The following HIPK2 variants were observed in gnomAD, a reference collection of about 807,000 sequenced individuals.
HIPK2 encodes the protein homeodomain-interacting protein kinase 2.
Under a neutral mutation model 113.7 loss-of-function variants are expected in HIPK2, and 27 were observed. That is an observed-to-expected ratio of 0.24 (90% CI 0.17 to 0.33). The LOEUF is 0.33. Among genes scored for constraint, HIPK2 ranks in the 10% least tolerant of loss-of-function variants. HIPK2 has a pLI of 1.00. For missense variants in HIPK2, 1,257 were observed against 1,588.0 expected, an observed-to-expected ratio of 0.79 and a Z score of 3.54; for synonymous variants, 631 against 642.2, an observed-to-expected ratio of 0.98 and a Z score of 0.26.
chr7:139,692,014 G>A (rs969030188), intron 2 of HIPK2, among the ~76,000 whole-genome samples: 3 of 152,002 alleles, frequency 2.0e-5, no homozygotes, highest in Admixed American at 1.3e-4. Context: ...TGATTTCTAC[G>A]CATTCATATA....
At chr7:139,736,456 C>A (rs946520409) in intron 1 of HIPK2, among the ~76,000 whole-genome samples, 3 of 152,188 alleles carry the variant, frequency 2.0e-5, no homozygotes, top group Non-Finnish European at 4.4e-5. Flanking sequence ...TCAGGGTGGC[C>A]AAGGTGCTTC....
At position 139,570,638 on chromosome 7, in the gene HIPK2, T is replaced by TAA. The variant is rs1380399848; in HGVS notation, c.*2287_*2288dup. ...CCAGAGTTATTTCACAGCTAAGAGC[T>TAA]AAGTAACGACTTCGTTACTGAGTTA... On this transcript the variant is annotated 3_prime_UTR_variant, in exon 15 of 15. Coordinates refer to ENST00000406875, the MANE Select transcript of HIPK2 (RefSeq NM_022740.5). The TAA allele has an allele frequency of 1.3e-5, 2 of 152,302 alleles. No individual in the cohort carries two copies. The highest frequency in any genetic ancestry group is 4.8e-5 in the African/African-American group (2 of 41,448). 9.4% of individuals were successfully genotyped at this position (152,302 alleles called of 1,614,324 possible). A position where few individuals can be genotyped will look rare whatever the true frequency, so the allele number is the denominator to read the frequency against.
chr7:139,734,465 C>T (rs1267263275), intron 1 of HIPK2, among the ~76,000 whole-genome samples: 1 of 152,170 alleles, frequency 6.6e-6, no homozygotes, highest in Non-Finnish European at 1.5e-5. Context: ...GGCCTAAGTG[C>T]CCCCATGGGA....
At chr7:139,658,497 G>GT (rs1190986040) in intron 2 of HIPK2, among the ~76,000 whole-genome samples, 7 of 152,234 alleles carry the variant, frequency 4.6e-5, no homozygotes, top group African/African-American at 1.7e-4. Flanking sequence ...TTCAGGGAAA[G>GT]TGACTTCATG....
At chr7:139,681,329 G>T (rs1024702064) in intron 2 of HIPK2, among the ~76,000 whole-genome samples, 12 of 152,146 alleles carry the variant, frequency 7.9e-5, no homozygotes, top group African/African-American at 2.7e-4. Flanking sequence ...AGGTGGGTGG[G>T]AGAGGAGGGA....
At chr7:139,707,438 C>T (rs936662295) in intron 2 of HIPK2, among the ~76,000 whole-genome samples, 6 of 152,256 alleles carry the variant, frequency 3.9e-5, no homozygotes, top group African/African-American at 1.4e-4. Flanking sequence ...TGCTGCGACG[C>T]AGCGACCTGC....
At chr7:139,583,628 G>GCC in intron 13 of HIPK2, 189 bp downstream of exon 13, 2 of 748,930 alleles carry the variant, frequency 2.7e-6, no homozygotes, top group Non-Finnish European at 4.3e-6. Context: ...GGAAAACGCT[G>GCC]CTTATACAAT....
intron 2 of HIPK2, among the ~76,000 whole-genome samples, chr7:139,639,558 T>C (rs915546896): frequency 6.6e-6 from 1 of 152,044 alleles, no homozygotes; most frequent in Non-Finnish European, 1.5e-5. Context: ...AGTGTGTACA[T>C]AGTACACAAA....
In HIPK2 at chr7:139,571,949, T is replaced by G. The variant is rs898657739; in HGVS notation, c.*978A>C. ...GGTTACATGCCTATGTTATATCGCT[T>G]TTTTTTGTGCAATTACATTGAGGAA... On this transcript the variant is annotated 3_prime_UTR_variant, in exon 15 of 15. Coordinates refer to ENST00000406875, the MANE Select transcript of HIPK2 (RefSeq NM_022740.5). 1 of 152,232 alleles carries G rather than the reference T, an allele frequency of 6.6e-6. No individual in the cohort carries two copies. Among genetic ancestry groups the G allele is most frequent in the African/African-American group, 2.4e-5 (1 of 41,442 alleles). 9.4% of individuals were successfully genotyped at this position (152,232 alleles called of 1,614,324 possible).
Position 139,572,764 on chromosome 7 carries a change from G to GCCCCCC in HIPK2, c.*157_*162dup, listed in dbSNP as rs71170903. The GCCCCCC allele has an allele frequency of 3.4e-5, 1 of 29,324 alleles. No homozygotes were observed. The highest frequency in any genetic ancestry group is 1.4e-4 in the African/African-American group (1 of 7,074). The allele number at this position is 29,324 out of a possible 1,614,324, so 1.8% of individuals were successfully genotyped here. ...GTCCCGACCCGTCCCCCTGCCCTCT[G>GCCCCCC]CCCCCCCCCCCCCCCCCGCCCCTGC... On this transcript the variant is annotated 3_prime_UTR_variant, in exon 15 of 15. Coordinates refer to ENST00000406875, the MANE Select transcript of HIPK2 (RefSeq NM_022740.5).
chr7:139,671,753 T>C (rs1318074243), intron 2 of HIPK2, among the ~76,000 whole-genome samples: 3 of 152,188 alleles, frequency 2.0e-5, no homozygotes, highest in Non-Finnish European at 4.4e-5. Context: ...GGTTTCACCA[T>C]GTTGGCCAGG....
intron 7 of HIPK2, among the ~76,000 whole-genome samples, chr7:139,615,835 C>T (rs544066103): frequency 2.0e-5 from 3 of 152,298 alleles, no homozygotes; most frequent in Admixed American, 2.0e-4. Context: ...AAAATAATCA[C>T]GAAATTGAGT....
intron 1 of HIPK2, among the ~76,000 whole-genome samples, chr7:139,722,819 G>A (rs1380884786): frequency 6.6e-6 from 1 of 151,530 alleles, no homozygotes. Context: ...TGTGATAAGT[G>A]AAAAAAATCA....
At chr7:139,579,901 C>T (rs1367697640) in intron 13 of HIPK2, among the ~76,000 whole-genome samples, 1 of 152,152 alleles carries the variant, frequency 6.6e-6, no homozygotes, top group African/African-American at 2.4e-5. Context: ...GCAAGCTTCC[C>T]AGGACACCAG....
intron 1 of HIPK2, among the ~76,000 whole-genome samples, chr7:139,775,101 G>A (rs1468693792): frequency 3.3e-5 from 5 of 152,254 alleles, no homozygotes; most frequent in South Asian, 2.1e-4. Context: ...CTCTCGTGTC[G>A]TTATACTTTT....
chr7:139,691,241 T>C (rs947120375), intron 2 of HIPK2, among the ~76,000 whole-genome samples: 4 of 152,214 alleles, frequency 2.6e-5, no homozygotes, highest in Non-Finnish European at 4.4e-5. Flanking sequence ...TATAGTTCCA[T>C]AGTTTCGATT....
chr7:139,728,523 G>A (rs1291398731), intron 1 of HIPK2, among the ~76,000 whole-genome samples: 1 of 152,158 alleles, frequency 6.6e-6, no homozygotes, highest in Non-Finnish European at 1.5e-5. Flanking sequence ...GTGTGTATCT[G>A]TGTCCAAATT....
At chr7:139,590,731 TAA>T in intron 12 of HIPK2, among the ~76,000 whole-genome samples, 1 of 152,332 alleles carries the variant, frequency 6.6e-6, no homozygotes, top group Admixed American at 6.5e-5. Flanking sequence ...CTCACGCTGG[TAA>T]TTCCAGTGTG....
intron 2 of HIPK2, among the ~76,000 whole-genome samples, chr7:139,688,748 C>T (rs1172117665): frequency 6.6e-6 from 1 of 151,900 alleles, no homozygotes; most frequent in Non-Finnish European, 1.5e-5. Context: ...ATCACTTTCC[C>T]TCTTCCCACC....
Sources: allele counts gnomAD v4.1 joint callset (sites outside exome capture counted in the v4.1 genomes callset), GRCh38; gene constraint gnomAD v4.1.1; transcripts MANE v1.5; gene names NCBI Gene and HGNC (gene_info 2026-07-23, HGNC 2026-07-21).